Variants in ADAMTS3 observed in about 807,000 individuals in gnomAD.
ADAMTS3 encodes the protein A disintegrin and metalloproteinase with thrombospondin motifs 3.
ADAMTS3 carries 73 observed loss-of-function variants against 129.0 expected under a neutral mutation model. The observed-to-expected ratio is 0.57, with a 90% CI of 0.47 to 0.69. ADAMTS3 has a LOEUF of 0.69. Ranked by LOEUF, ADAMTS3 falls within the 30% of genes least tolerant of loss-of-function variation. The pLI is 0.00. For missense variants in ADAMTS3, 1,457 were observed against 1,514.5 expected, an observed-to-expected ratio of 0.96 and a Z score of 0.63; for synonymous variants, 477 against 510.8, an observed-to-expected ratio of 0.93 and a Z score of 0.89.
At chr4:72,420,511 A>G (rs577851518) in intron 3 of ADAMTS3, among the ~76,000 whole-genome samples, 1 of 152,000 alleles carries the variant, frequency 6.6e-6, no homozygotes, top group Non-Finnish European at 1.5e-5. Context: ...CTTTCTCTAC[A>G]CTGTTGTTTC....
chr4:72,334,175 A>C (rs1361667244), intron 5 of ADAMTS3, among the ~76,000 whole-genome samples: 1 of 152,050 alleles, frequency 6.6e-6, no homozygotes, highest in Non-Finnish European at 1.5e-5. Context: ...TATAACCTCT[A>C]TCACCCATTT....
intron 4 of ADAMTS3, among the ~76,000 whole-genome samples, chr4:72,355,073 CTT>C (rs34262933): frequency 0.025 from 3,871 of 151,950 alleles, 174 homozygotes; most frequent in African/African-American, 0.089. Flanking sequence ...CTATATATCT[CTT>C]ATTGTATCCT....
rs1718415596 is a variant in ADAMTS3, at chr4:72,283,564, C to T, written c.3190G>A (p.Glu1064Lys). 2.5e-6 allele frequency: 4 copies of T among 1,613,878 alleles called. No homozygotes were observed. In the South Asian group the frequency reaches 3.3e-5, roughly 13 times the overall value. The change falls in exon 22 of 22, where the codon GAA becomes AAA. Residue 1064 changes from glutamate (E) to lysine (K), a missense_variant. Physicochemically the swap from Glu to Lys is moderately conservative, Grantham distance 56. Coordinates refer to ENST00000286657, the MANE Select transcript of ADAMTS3 (RefSeq NM_014243.3). The stretch of plus-strand genomic sequence containing the variant: ...ACATCATCATGAGTTTCAGCAGCTT[C>T]TAGAAGGTATGGTGGTGGCAGGGTG... The part of the protein sequence containing the change: ...SSTLPPPYLL[E>K]AAETHDDVIS...
chr4:72,312,033 C>T, intron 13 of ADAMTS3: 1 of 383,548 alleles, frequency 2.6e-6, no homozygotes, highest in Non-Finnish European at 4.7e-6. Context: ...AACATCTCTC[C>T]CAGGCGTTCC....
intron 3 of ADAMTS3, among the ~76,000 whole-genome samples, chr4:72,523,806 TGTGACTTATAAA>T (rs1720736574): frequency 6.6e-6 from 1 of 152,020 alleles, no homozygotes; most frequent in South Asian, 2.1e-4. Flanking sequence ...AACATGAAAA[TGTGACTTATAAA>T]TGCAAGATTA....
intron 3 of ADAMTS3, among the ~76,000 whole-genome samples, chr4:72,416,698 T>A (rs1473588607): frequency 6.6e-6 from 1 of 152,196 alleles, no homozygotes; most frequent in African/African-American, 2.4e-5. Context: ...TATTGGTTAA[T>A]GGATTCACCT....
At chr4:72,341,024 C>T (rs974836007) in intron 4 of ADAMTS3, among the ~76,000 whole-genome samples, 3 of 152,118 alleles carry the variant, frequency 2.0e-5, no homozygotes, top group Non-Finnish European at 4.4e-5. Flanking sequence ...GGCTTGTTAG[C>T]CATTTGAGTC....
At chr4:72,414,351 A>G (rs1042598518) in intron 4 of ADAMTS3, among the ~76,000 whole-genome samples, 7 of 146,460 alleles carry the variant, frequency 4.8e-5, no homozygotes, top group Non-Finnish European at 1.1e-4. Context: ...CCATCTAGTA[A>G]AAGTTTTGCC....
intron 4 of ADAMTS3, among the ~76,000 whole-genome samples, chr4:72,370,228 T>G (rs370829687): frequency 2.6e-5 from 4 of 152,204 alleles, no homozygotes; most frequent in African/African-American, 9.6e-5. Context: ...TCTCCTCATC[T>G]GTGAACGGAC....
At chr4:72,289,414 T>C (rs1287664456) in intron 20 of ADAMTS3, among the ~76,000 whole-genome samples, 1 of 152,242 alleles carries the variant, frequency 6.6e-6, no homozygotes, top group Non-Finnish European at 1.5e-5. Context: ...TTGGAACTAC[T>C]ATTTCTCTGT....
At chr4:72,384,389 G>C (rs557469797) in intron 4 of ADAMTS3, among the ~76,000 whole-genome samples, 2 of 152,240 alleles carry the variant, frequency 1.3e-5, no homozygotes, top group Admixed American at 6.5e-5. Flanking sequence ...TAAAACCACA[G>C]ATAACAGAAG....
chr4:72,355,128 A>G (rs1276917304), intron 4 of ADAMTS3, among the ~76,000 whole-genome samples: 1 of 151,206 alleles, frequency 6.6e-6, no homozygotes, highest in Non-Finnish European at 1.5e-5. Context: ...GTTATTTTTC[A>G]TTATAGTCTA....
Position 72,471,486 on chromosome 4 carries a change from G to T in ADAMTS3, c.505-56515C>A, listed in dbSNP as rs1479022672. Reference sequence around the variant, plus strand: ...CTAGTATTTGTTGAGTTCTAGTATAGAATCAAAGAATGTTCTCATTATATA... The same window carrying T: ...CTAGTATTTGTTGAGTTCTAGTATATAATCAAAGAATGTTCTCATTATATA... On this transcript the variant is annotated intron_variant, in intron 3 of 21. Coordinates refer to ENST00000286657, the MANE Select transcript of ADAMTS3 (RefSeq NM_014243.3). 2.6e-5 allele frequency among the ~76,000 whole-genome samples: 4 copies of T among 151,850 alleles called. No individual in the cohort carries two copies. In the East Asian group the frequency reaches 7.7e-4, roughly 29 times the overall value.
intron 3 of ADAMTS3, among the ~76,000 whole-genome samples, chr4:72,475,883 T>C (rs1719217307): frequency 6.6e-6 from 1 of 152,006 alleles, no homozygotes; most frequent in African/African-American, 2.4e-5. Context: ...AAATAATCCA[T>C]GAGTCAAAGA....
chr4:72,474,585 C>A (rs940549128), intron 3 of ADAMTS3, among the ~76,000 whole-genome samples: 3 of 151,954 alleles, frequency 2.0e-5, no homozygotes, highest in Non-Finnish European at 4.4e-5. Flanking sequence ...AAAAAAAAAT[C>A]TGACACTAAT....
chr4:72,304,283 G>A (rs778874811), intron 16 of ADAMTS3, among the ~76,000 whole-genome samples: 12 of 152,096 alleles, frequency 7.9e-5, no homozygotes, highest in Middle Eastern at 3.4e-3. Flanking sequence ...TTCCTAACTA[G>A]TCAAAAATAC....
chr4:72,380,404 TG>T (rs1721255940), intron 4 of ADAMTS3, among the ~76,000 whole-genome samples: 2 of 152,302 alleles, frequency 1.3e-5, no homozygotes, highest in South Asian at 4.1e-4. Context: ...CACTCCACTT[TG>T]GGCTAGTGCA....
chr4:72,372,468 G>A (rs975344648), intron 4 of ADAMTS3, among the ~76,000 whole-genome samples: 1 of 151,864 alleles, frequency 6.6e-6, no homozygotes, highest in African/African-American at 2.4e-5. Flanking sequence ...TGAGAAATAA[G>A]CAAATTCCTT....
At chr4:72,532,143 A>C (rs781321665) in intron 3 of ADAMTS3, among the ~76,000 whole-genome samples, 1 of 152,140 alleles carries the variant, frequency 6.6e-6, no homozygotes, top group Non-Finnish European at 1.5e-5. Context: ...CATACAAGAA[A>C]CAGACAGTAG....
Sources: allele counts gnomAD v4.1 joint callset (sites outside exome capture counted in the v4.1 genomes callset), GRCh38; gene constraint gnomAD v4.1.1; transcripts MANE v1.5; gene names NCBI Gene and HGNC (gene_info 2026-07-23, HGNC 2026-07-21).